The following LUZP1 variants were observed in gnomAD, a reference collection of about 807,000 sequenced individuals.
LUZP1 encodes the protein filamin mechanobinding actin cross-linking protein.
In LUZP1, 25 loss-of-function variants were observed where a neutral mutation model predicts 71.3. That is an observed-to-expected ratio of 0.35 (90% CI 0.26 to 0.49). The LOEUF (loss-of-function observed/expected upper bound fraction) is 0.49. LUZP1 is among the 20% of genes least tolerant of loss of function. The probability of loss-of-function intolerance (pLI) is 0.99; values close to 1 mark genes in which losing one functional copy is unlikely to be tolerated. For missense variants in LUZP1, 1,142 were observed against 1,300.8 expected, an observed-to-expected ratio of 0.88 and a Z score of 1.88; for synonymous variants, 481 against 506.4, an observed-to-expected ratio of 0.95 and a Z score of 0.67.
At position 23,094,679 on chromosome 1, in the gene LUZP1, C is replaced by A. The variant is rs1212646701; in HGVS notation, c.-119-299G>T. On this transcript the variant is annotated intron_variant, in intron 3 of 4. Transcript: ENST00000302291. This position sits in a 1 kb window ranked among gnomAD's most constrained non-coding sequence, Gnocchi z 4.7. ...ATAATAACATCATTACCATCTGCAACCTGCATAATCTCAGGAGAGTCATTA... is the reference window on the plus strand; with the variant it reads ...ATAATAACATCATTACCATCTGCAAACTGCATAATCTCAGGAGAGTCATTA... Among the ~76,000 whole-genome samples the A allele has an allele frequency of 1.3e-5, 2 of 152,142 alleles. No individual in the cohort carries two copies. The highest frequency in any genetic ancestry group is 6.6e-5 in the Admixed American group (1 of 15,264).
intron 2 of LUZP1, among the ~76,000 whole-genome samples, chr1:23,149,585 AGTAGT>A (rs1644367596): frequency 6.6e-6 from 1 of 152,178 alleles, no homozygotes; most frequent in Non-Finnish European, 1.5e-5. Context: ...GTGCATTTAC[AGTAGT>A]GTTGGGGACA....
At chr1:23,088,304 T>A (rs896405386) in exon 5 of LUZP1, 5 of 152,562 alleles carry the variant, frequency 3.3e-5, no homozygotes, top group African/African-American at 1.2e-4. Context: ...AGGTCAAACT[T>A]CAACCTAAAG....
intron 2 of LUZP1, among the ~76,000 whole-genome samples, chr1:23,145,468 CTTTTT>C (rs869293750): frequency 3.0e-5 from 4 of 135,118 alleles, no homozygotes; most frequent in Admixed American, 7.6e-5. Flanking sequence ...CTATTAATCT[CTTTTT>C]TTTTTTTTTT....
At chr1:23,089,241 C>A (rs899477780) in intron 4 of LUZP1, among the ~76,000 whole-genome samples, 188 bp from the exon 4 acceptor site, 1 of 152,132 alleles carries the variant, frequency 6.6e-6, no homozygotes, top group African/African-American at 2.4e-5. Flanking sequence ...CCTTGGAAAT[C>A]GGCAGACTGG....
chr1:23,126,298 T>C (rs1167626130), intron 2 of LUZP1, among the ~76,000 whole-genome samples: 2 of 152,172 alleles, frequency 1.3e-5, no homozygotes, highest in African/African-American at 4.8e-5. Context: ...AAACACACTA[T>C]GTTGGCTCCT....
chr1:23,125,910 T>C (rs1644168620), intron 2 of LUZP1, among the ~76,000 whole-genome samples: 1 of 152,212 alleles, frequency 6.6e-6, no homozygotes, highest in South Asian at 2.1e-4. Context: ...ACAGTAATTT[T>C]CAACACTTCA....
chr1:23,093,030 T>C lies in LUZP1; in HGVS notation c.1232A>G (p.Asn411Ser), dbSNP rs775091805. The C allele has an allele frequency of 2.5e-6, 4 of 1,614,028 alleles. No homozygotes were observed. The highest frequency in any genetic ancestry group is 1.7e-5 in the Admixed American group (1 of 60,006). ...CCTGTTGCTCAGAGAATAGTTTTCA[T>C]TGTTGAGAGCAAACTCCCTGTTCCG... The change falls in exon 4 of 5, where the codon AAT becomes AGT. Residue 411 changes from asparagine to serine, a missense_variant. Physicochemically the swap from Asn to Ser is conservative, Grantham distance 46. Coordinates refer to ENST00000302291, the Ensembl canonical transcript of LUZP1. This position sits in a 1 kb window ranked among gnomAD's most constrained non-coding sequence, Gnocchi z 4.2.
chr1:23,087,466 G>A (rs978185786), exon 5 of LUZP1: 2 of 152,356 alleles, frequency 1.3e-5, no homozygotes, highest in African/African-American at 4.8e-5. Context: ...GGAAACTGAG[G>A]CTCCAAGAAG....
intron 2 of LUZP1, among the ~76,000 whole-genome samples, chr1:23,111,732 G>A (rs370116462): frequency 1.3e-4 from 19 of 151,750 alleles, no homozygotes; most frequent in South Asian, 1.0e-3. Context: ...CAGACTTTCC[G>A]TCCTACCCCA....
chr1:23,100,276 A>G (rs190109313), intron 3 of LUZP1, among the ~76,000 whole-genome samples: 2 of 152,358 alleles, frequency 1.3e-5, no homozygotes, highest in African/African-American at 2.4e-5. Flanking sequence ...GGCAATGACC[A>G]TTAACAGAAA....
chr1:23,124,295 G>A (rs941589071), intron 2 of LUZP1, among the ~76,000 whole-genome samples: 2 of 152,156 alleles, frequency 1.3e-5, no homozygotes, highest in Admixed American at 6.5e-5. Context: ...AGCCCAAAGA[G>A]AGGAAACGGA....
At chr1:23,121,113 T>C (rs1481884910) in intron 2 of LUZP1, among the ~76,000 whole-genome samples, 1 of 152,336 alleles carries the variant, frequency 6.6e-6, no homozygotes, top group South Asian at 2.1e-4. Context: ...CTTATATCTT[T>C]ATAAACAAAG....
intron 2 of LUZP1, among the ~76,000 whole-genome samples, chr1:23,127,915 G>C (rs1185687144): frequency 1.3e-5 from 2 of 152,138 alleles, no homozygotes; most frequent in African/African-American, 2.4e-5. Context: ...GGTGGACCAA[G>C]AGGTCAGGAG....
At chr1:23,114,725 C>T (rs556504624) in intron 2 of LUZP1, among the ~76,000 whole-genome samples, 1 of 152,168 alleles carries the variant, frequency 6.6e-6, no homozygotes, top group Non-Finnish European at 1.5e-5. Flanking sequence ...CTGACTAAAG[C>T]GGGAAACTGA....
chr1:23,109,408 A>G (rs1644010218), intron 2 of LUZP1, among the ~76,000 whole-genome samples: 1 of 152,214 alleles, frequency 6.6e-6, no homozygotes. Context: ...CTTAAATTAA[A>G]ACACCCGAAC....
intron 2 of LUZP1, among the ~76,000 whole-genome samples, chr1:23,110,726 G>C (rs1258033919): frequency 3.3e-5 from 5 of 152,072 alleles, no homozygotes; most frequent in Non-Finnish European, 1.5e-5. Flanking sequence ...GACAAATAAT[G>C]AGAGTTTTTT....
At chr1:23,088,888 A>G in exon 5 of LUZP1, 1 of 1,613,364 alleles carries the variant, frequency 6.2e-7, no homozygotes, top group East Asian at 2.2e-5. Flanking sequence ...ACAGACACCC[A>G]GCGGGCTCAG....
chr1:23,100,036 G>A (rs1001441451), intron 3 of LUZP1, among the ~76,000 whole-genome samples: 1 of 152,122 alleles, frequency 6.6e-6, no homozygotes, highest in African/African-American at 2.4e-5. Context: ...TCAAACCCCA[G>A]GCCAGATCTG....
intron 3 of LUZP1, among the ~76,000 whole-genome samples, chr1:23,103,497 G>A (rs888250810): frequency 6.6e-6 from 1 of 151,908 alleles, no homozygotes; most frequent in Non-Finnish European, 1.5e-5. Context: ...CACTCAATGC[G>A]GACGTTATCT....
Sources: allele counts gnomAD v4.1 joint callset (sites outside exome capture counted in the v4.1 genomes callset), GRCh38; gene constraint gnomAD v4.1.1; non-coding constraint Gnocchi (gnomAD v3.1); transcripts MANE v1.5; gene names NCBI Gene and HGNC (gene_info 2026-07-23, HGNC 2026-07-21).